RCC1L: variants seen among roughly 807,000 people sequenced by gnomAD.
The protein encoded by RCC1L is RCC1-like G exchanging factor-like protein.
RCC1L carries 46 observed loss-of-function variants against 58.6 expected under a neutral mutation model. The observed-to-expected ratio is 0.79, with a 90% CI of 0.62 to 1.00. RCC1L has a LOEUF of 1.00. Ranked by LOEUF, RCC1L falls within the 50% of genes least tolerant of loss-of-function variation. The probability of loss-of-function intolerance (pLI) is 0.00; values close to 1 mark genes in which losing one functional copy is unlikely to be tolerated. For synonymous variants in RCC1L, 281 were observed against 262.9 expected (o/e 1.07, Z -0.67); for missense variants, 636 against 623.6 (o/e 1.02, Z -0.21).
At chr7:75,049,705 C>A (rs1554443155) in intron 10 of RCC1L, among the ~76,000 whole-genome samples, 2 of 151,800 alleles carry the variant, frequency 1.3e-5, no homozygotes, top group South Asian at 2.1e-4. Flanking sequence ...ACGGCAAGAC[C>A]CCATCTCTAC....
intron 10 of RCC1L, 60 bp from the exon 11 acceptor site, chr7:75,043,169 C>G (rs1173767649): frequency 6.3e-7 from 1 of 1,599,294 alleles, no homozygotes; most frequent in African/African-American, 1.3e-5. Flanking sequence ...GAGACAGGCG[C>G]TGGTGTTGGC....
intron 4 of RCC1L, among the ~76,000 whole-genome samples, 180 bp from the exon 5 acceptor site, chr7:75,063,523 C>G (rs587716364): frequency 6.6e-6 from 1 of 152,260 alleles, no homozygotes; most frequent in African/African-American, 2.4e-5. Context: ...TAAAGCCAAA[C>G]AAAATCCTAG....
intron 10 of RCC1L, among the ~76,000 whole-genome samples, chr7:75,030,595 G>A (rs2131965482): frequency 6.6e-6 from 1 of 152,322 alleles, no homozygotes; most frequent in Admixed American, 6.5e-5. Context: ...AGGCCTGGCT[G>A]TAGGCAGGAG....
At chr7:75,040,435 G>A (rs955922179), downstream of RCC1L, among the ~76,000 whole-genome samples, 2 of 152,216 alleles carry the variant, frequency 1.3e-5, no homozygotes, top group South Asian at 2.1e-4. Context: ...ACTCCAGCCT[G>A]GGCAACAGAG....
intron 10 of RCC1L, among the ~76,000 whole-genome samples, chr7:75,047,623 C>T: frequency 6.6e-6 from 1 of 151,980 alleles, no homozygotes; most frequent in East Asian, 1.9e-4. Context: ...TAGGTGGGTA[C>T]ATACACAGAT....
At chr7:75,062,329 C>A (rs1806302444) in intron 5 of RCC1L, among the ~76,000 whole-genome samples, 1 of 151,986 alleles carries the variant, frequency 6.6e-6, no homozygotes, top group South Asian at 2.1e-4. Flanking sequence ...ACCAGCCTGG[C>A]CAGCACAGTG....
chr7:75,052,518 G>A (rs1805943476), intron 10 of RCC1L, among the ~76,000 whole-genome samples, 193 bp downstream of exon 10: 1 of 152,208 alleles, frequency 6.6e-6, no homozygotes, highest in Non-Finnish European at 1.5e-5. Flanking sequence ...ATGCACCACG[G>A]GTATCTCATG....
chr7:75,057,418 T>C (rs1029916756), intron 8 of RCC1L, 111 bp downstream of exon 8: 5 of 1,112,556 alleles, frequency 4.5e-6, no homozygotes, highest in Non-Finnish European at 5.4e-6. Context: ...CGCCCAGCCA[T>C]GTTACCCTCC....
intron 10 of RCC1L, among the ~76,000 whole-genome samples, chr7:75,029,766 T>C (rs960534860): frequency 6.4e-4 from 98 of 152,220 alleles, no homozygotes; most frequent in Non-Finnish European, 5.1e-4. Flanking sequence ...GTTAGTGTAA[T>C]AGGCAGAGCC....
intron 1 of RCC1L, among the ~76,000 whole-genome samples, chr7:75,071,404 G>C (rs760700752): frequency 2.8e-4 from 43 of 152,012 alleles, no homozygotes; most frequent in Non-Finnish European, 5.0e-4. Context: ...CAGCACTTTG[G>C]GAGGCTGAGG....
chr7:75,028,685 C>T (rs999031139), intron 10 of RCC1L, among the ~76,000 whole-genome samples: 47 of 152,286 alleles, frequency 3.1e-4, no homozygotes, highest in African/African-American at 8.4e-4. Context: ...TCCCTCAGCC[C>T]GTCGTCCTAA....
chr7:75,034,720 T>G (rs1805396943), intron 10 of RCC1L, among the ~76,000 whole-genome samples: 1 of 152,168 alleles, frequency 6.6e-6, no homozygotes, highest in Admixed American at 6.6e-5. Context: ...TTAAATTTAT[T>G]TGCTCACTGC....
intron 10 of RCC1L, among the ~76,000 whole-genome samples, chr7:75,031,034 C>T (rs2131965866): frequency 6.6e-6 from 1 of 152,366 alleles, no homozygotes; most frequent in Non-Finnish European, 1.5e-5. Context: ...GGTTTCCCTT[C>T]CACTGCCTCA....
intron 10 of RCC1L, among the ~76,000 whole-genome samples, chr7:75,031,933 C>T (rs927564714): frequency 5.3e-5 from 8 of 152,342 alleles, no homozygotes; most frequent in Middle Eastern, 3.4e-3. Context: ...GGCCAACCCA[C>T]GGGGCTGCTT....
At chr7:75,070,821 T>C in intron 1 of RCC1L, 52 bp from the exon 2 acceptor site, 1 of 1,606,780 alleles carries the variant, frequency 6.2e-7, no homozygotes. Context: ...TCAAGTTTGT[T>C]CAGTAGTAAA....
intron 10 of RCC1L, among the ~76,000 whole-genome samples, chr7:75,034,862 C>A (rs1805402509): frequency 6.6e-6 from 1 of 151,922 alleles, no homozygotes; most frequent in Non-Finnish European, 1.5e-5. Flanking sequence ...CTATATTGCC[C>A]AGGCTGCCCT....
chr7:75,029,735 C>A (rs1805249001), intron 10 of RCC1L, among the ~76,000 whole-genome samples: 1 of 152,150 alleles, frequency 6.6e-6, no homozygotes, highest in Non-Finnish European at 1.5e-5. Context: ...CCGAGCAGGG[C>A]CTGGAGCATT....
chr7:75,051,250 ATG>A (rs1327250192), intron 10 of RCC1L, among the ~76,000 whole-genome samples: 195 of 147,522 alleles, frequency 1.3e-3, no homozygotes, highest in Admixed American at 2.0e-3. Flanking sequence ...ATATATTTAT[ATG>A]TGTGTGTGTA....
intron 6 of RCC1L, 96 bp downstream of exon 6, chr7:75,061,110 GA>G: frequency 1.0e-6 from 1 of 986,878 alleles, no homozygotes; most frequent in South Asian, 1.3e-5. Context: ...CTGAATTAAG[GA>G]AGAAGGGTTC....
Sources: allele counts gnomAD v4.1 joint callset (sites outside exome capture counted in the v4.1 genomes callset), GRCh38; gene constraint gnomAD v4.1.1; transcripts MANE v1.5; gene names NCBI Gene and HGNC (gene_info 2026-07-23, HGNC 2026-07-21).